Variants in TRAPPC11 observed in about 807,000 individuals in gnomAD.
TRAPPC11 encodes foie gras homolog.
TRAPPC11 carries 104 observed loss-of-function variants against 151.2 expected under a neutral mutation model. The ratio of observed to expected loss-of-function variants is 0.69; its 90% CI spans 0.59 to 0.81. The LOEUF is 0.81. TRAPPC11 is among the 30% of genes least tolerant of loss of function. The pLI is 0.00. For missense variants in TRAPPC11, 1,230 were observed against 1,349.6 expected, an observed-to-expected ratio of 0.91 and a Z score of 1.39; for synonymous variants, 456 against 472.3, an observed-to-expected ratio of 0.97 and a Z score of 0.45.
chr4:183,659,991 T>G (rs1235884379), intron 1 of TRAPPC11, among the ~76,000 whole-genome samples: 1 of 152,242 alleles, frequency 6.6e-6, no homozygotes, highest in African/African-American at 2.4e-5. Context: ...TCCAGTTTAC[T>G]TCCCTTGCAT....
chr4:183,697,579 T>C lies in TRAPPC11; in HGVS notation c.2694+11T>C. 6.2e-7 allele frequency: 1 copy of C among 1,604,668 alleles called. No homozygotes were observed. The highest frequency in any genetic ancestry group is 8.5e-7 in the Non-Finnish European group (1 of 1,177,774). On this transcript the variant is annotated intron_variant, in intron 24 of 29. Transcript: ENST00000334690. ...TTTGTTTCTACCAAGGTATGTTTCTTTGAGGCATACTAGAAATCATTTAGG... is the reference window on the plus strand; with the variant it reads ...TTTGTTTCTACCAAGGTATGTTTCTCTGAGGCATACTAGAAATCATTTAGG...
At chr4:183,702,825 G>T (rs1413092176) in intron 26 of TRAPPC11, among the ~76,000 whole-genome samples, 1 of 152,012 alleles carries the variant, frequency 6.6e-6, no homozygotes, top group Non-Finnish European at 1.5e-5. Flanking sequence ...TTAAAACAGG[G>T]AATAAAATGT....
intron 18 of TRAPPC11, among the ~76,000 whole-genome samples, chr4:183,690,471 A>G (rs1179974815): frequency 1.3e-5 from 2 of 152,174 alleles, no homozygotes; most frequent in Admixed American, 6.5e-5. Context: ...AGGCAGATGC[A>G]CATTCACTTT....
Position 183,666,316 on chromosome 4 carries a change from G to A in TRAPPC11, c.264G>A (p.Lys88=). Residue 88 remains lysine, a synonymous_variant, in exon 3 of 30, where the codon AAG becomes AAA. Coordinates refer to ENST00000334690, the MANE Select transcript of TRAPPC11 (RefSeq NM_021942.6). ...TCTTAAAGACTGGCTGGATGAATAA[G>A]CATCTGAATCTGGTGCCAGCCCTGG... ...KGILKTGWMN[K]HLNLVPALVV... is the part of the protein sequence containing the mutation. 1 of 1,614,194 alleles carries A rather than the reference G, an allele frequency of 6.2e-7. No individual in the cohort carries two copies. The highest frequency in any genetic ancestry group is 2.2e-5 in the East Asian group (1 of 44,890).
chr4:183,666,969 G>T (rs1293086784), intron 3 of TRAPPC11, 91 bp from the exon 4 acceptor site: 2 of 1,059,382 alleles, frequency 1.9e-6, no homozygotes, highest in South Asian at 1.9e-5. Context: ...ATTTATCTTC[G>T]GTTGAATGAC....
intron 15 of TRAPPC11, 110 bp downstream of exon 15, chr4:183,684,951 C>T (rs1217819233): frequency 1.5e-6 from 2 of 1,298,792 alleles, no homozygotes; most frequent in East Asian, 2.5e-5. Context: ...GTATACTTTA[C>T]TATGTGCAAA....
chr4:183,661,411 GC>G (rs771741440), intron 1 of TRAPPC11, among the ~76,000 whole-genome samples: 1,499 of 117,008 alleles, frequency 0.013, 16 homozygotes, highest in Middle Eastern at 0.026. Flanking sequence ...TCGCTCTGTC[GC>G]CCAGGCTGGA....
chr4:183,665,243 C>G (rs190213567), intron 2 of TRAPPC11, among the ~76,000 whole-genome samples: 1 of 151,780 alleles, frequency 6.6e-6, no homozygotes, highest in South Asian at 2.1e-4. Context: ...TACAGGCGCC[C>G]GCCACCACGT....
At chr4:183,681,902 A>G (rs918383442) in intron 10 of TRAPPC11, among the ~76,000 whole-genome samples, 2 of 152,240 alleles carry the variant, frequency 1.3e-5, no homozygotes, top group African/African-American at 4.8e-5. Context: ...TTCTGAAATA[A>G]GTACCAAAAT....
Position 183,712,732 on chromosome 4 carries a change from G to A in TRAPPC11, c.*88G>A. On this transcript the variant is annotated 3_prime_UTR_variant, in exon 30 of 30. Coordinates refer to ENST00000334690, the MANE Select transcript of TRAPPC11 (RefSeq NM_021942.6). ...ATTGTGAACTCTAGCTTTGATCATG[G>A]TAAAAAGTTAACCTTTTCTATTTTT... 8 of 1,363,802 alleles carry A rather than the reference G, an allele frequency of 5.9e-6. No homozygotes were observed. The highest frequency in any genetic ancestry group is 8.3e-6 in the Non-Finnish European group (8 of 962,496). 84.5% of individuals were successfully genotyped at this position (1,363,802 alleles called of 1,614,324 possible). A position where few individuals can be genotyped will look rare whatever the true frequency, so the allele number is the denominator to read the frequency against.
At chr4:183,687,362 C>T (rs574156350) in intron 18 of TRAPPC11, among the ~76,000 whole-genome samples, 43 of 151,224 alleles carry the variant, frequency 2.8e-4, no homozygotes, top group Middle Eastern at 3.4e-3. Flanking sequence ...TTTTTTGAGA[C>T]GGGGTCTCGC....
At chr4:183,695,452 C>T (rs1385758175) in intron 23 of TRAPPC11, among the ~76,000 whole-genome samples, 8 of 152,222 alleles carry the variant, frequency 5.3e-5, no homozygotes, top group Non-Finnish European at 1.2e-4. Context: ...GGAACGATCA[C>T]GGTTACAGTT....
chr4:183,693,558 T>G, intron 20 of TRAPPC11, 31 bp from the exon 21 acceptor site: 1 of 1,571,688 alleles, frequency 6.4e-7, no homozygotes, highest in Non-Finnish European at 8.6e-7. Flanking sequence ...TTTTTTTTGA[T>G]CAGTTACTTA....
chr4:183,686,923 G>A (rs1009743973), intron 18 of TRAPPC11, among the ~76,000 whole-genome samples, 175 bp downstream of exon 18: 18 of 152,192 alleles, frequency 1.2e-4, no homozygotes, highest in Non-Finnish European at 2.6e-4. Flanking sequence ...GCTCACGCCT[G>A]TAATCTCAGC....
In TRAPPC11 at chr4:183,682,830, A is replaced by G. The variant is rs1334008972; in HGVS notation, c.1207+5A>G. 6.2e-7 allele frequency: 1 copy of G among 1,602,632 alleles called. No homozygotes were observed. The highest frequency in any genetic ancestry group is 8.5e-7 in the Non-Finnish European group (1 of 1,169,756). Reference sequence around the variant, plus strand: ...CATGGCGACAAGGAATACTAAGTAAATAATTTTTCCCTCTGTCCTTTCCTC... The same window carrying G: ...CATGGCGACAAGGAATACTAAGTAAGTAATTTTTCCCTCTGTCCTTTCCTC... On this transcript the variant is annotated splice_donor_5th_base_variant and intron_variant, in intron 11 of 29. Coordinates refer to ENST00000334690, the MANE Select transcript of TRAPPC11 (RefSeq NM_021942.6).
chr4:183,681,608 G>A (rs925255738), intron 10 of TRAPPC11, among the ~76,000 whole-genome samples: 2 of 151,774 alleles, frequency 1.3e-5, no homozygotes, highest in Admixed American at 6.6e-5. Flanking sequence ...ATGAAACCCC[G>A]TCTCTACTAA....
In TRAPPC11 at chr4:183,708,492, C is replaced by T; in HGVS notation, c.3275C>T (p.Ser1092Phe). 1 of 1,614,144 alleles carries T rather than the reference C, an allele frequency of 6.2e-7. No individual in the cohort carries two copies. Among genetic ancestry groups the T allele is most frequent in the Non-Finnish European group, 8.5e-7 (1 of 1,179,990 alleles). ...ATGGCTGGATACCAGCAGCTGCCAT[C>T]TCTCAACATCAACTTGCTTAGATTT... ...PLMAGYQQLPSLNINLLRFPN... is the reference protein window; with the variant it reads ...PLMAGYQQLPFLNINLLRFPN... Residue 1092 changes from serine (S) to phenylalanine (F), a missense_variant, in exon 29 of 30, where the codon TCT becomes TTT. Coordinates refer to ENST00000334690, the MANE Select transcript of TRAPPC11 (RefSeq NM_021942.6).
In TRAPPC11 at chr4:183,673,942, T is replaced by C. The variant is rs980503491; in HGVS notation, c.561-771T>C. On this transcript the variant is annotated intron_variant, in intron 5 of 29. Transcript: ENST00000334690. ...GAGGATTTAAATCACACAAATGTTT[T>C]CACCTTATTTGCCAGTTCTCATTTT... 3.3e-5 allele frequency among the ~76,000 whole-genome samples: 5 copies of C among 152,236 alleles called. No homozygotes were observed. In the East Asian group the frequency reaches 9.6e-4, roughly 29 times the overall value.
rs1561027452 is a variant in TRAPPC11, at chr4:183,666,429, A to G, written c.374+3A>G. ...GCCACCAGAGTGGAAATAGTCAGGT[A>G]TGATCTTCTGTGTCAGGGCAGCTAT... is the stretch of plus-strand genomic sequence containing the variant. On this transcript the variant is annotated splice_donor_region_variant and intron_variant, in intron 3 of 29. Transcript: ENST00000334690. The G allele has an allele frequency of 2.5e-6, 4 of 1,612,234 alleles. No individual in the cohort carries two copies. The highest frequency in any genetic ancestry group is 2.2e-5 in the South Asian group (2 of 90,914).
Sources: gnomAD v4.1 joint callset for allele counts (sites outside exome capture counted in the v4.1 genomes callset) on GRCh38, gnomAD v4.1.1 for gene constraint, MANE v1.5 for transcripts, NCBI Gene and HGNC (gene_info 2026-07-23, HGNC 2026-07-21) for gene names.